HSPH1: variants seen among roughly 807,000 people sequenced by gnomAD.
HSPH1 encodes the protein heat shock protein family H (Hsp110) member 1.
Under a neutral mutation model 100.0 loss-of-function variants are expected in HSPH1, and 40 were observed. The observed-to-expected ratio is 0.40, with a 90% CI of 0.31 to 0.52. HSPH1 has a LOEUF of 0.52. Among genes scored for constraint, HSPH1 ranks in the 20% least tolerant of loss-of-function variants. HSPH1 has a pLI of 0.54. For missense variants in HSPH1, 876 were observed against 1,015.1 expected, an observed-to-expected ratio of 0.86 and a Z score of 1.86; for synonymous variants, 403 against 344.0, an observed-to-expected ratio of 1.17 and a Z score of -1.90.
chr13:31,159,419 CACA>C (rs1956816134), intron 1 of HSPH1, among the ~76,000 whole-genome samples: 1 of 152,100 alleles, frequency 6.6e-6, no homozygotes, highest in Non-Finnish European at 1.5e-5. Context: ...AAAAATGATG[CACA>C]ACAAGTACCA....
intron 1 of HSPH1, among the ~76,000 whole-genome samples, chr13:31,159,576 G>A (rs1030418976): frequency 1.3e-5 from 2 of 152,212 alleles, no homozygotes; most frequent in Non-Finnish European, 2.9e-5. Flanking sequence ...TAACAGAGCA[G>A]AGACTAGCTT....
Position 31,146,733 on chromosome 13 carries a change from C to T in HSPH1, c.1379-965G>A, listed in dbSNP as rs377338065. 2.6e-5 allele frequency among the ~76,000 whole-genome samples: 4 copies of T among 152,224 alleles called. No individual in the cohort carries two copies. In the South Asian group the frequency reaches 8.3e-4, roughly 32 times the overall value. On this transcript the variant is annotated intron_variant, in intron 10 of 17. Transcript: ENST00000320027. ...CTGTGTGACCTGTTACAAAAGTTAC[C>T]TTTCTATACCTCTGAGGATTAAGTA...
At position 31,155,391 on chromosome 13, in the gene HSPH1, G is replaced by A. The variant is rs118088168; in HGVS notation, c.306+123C>T. 7.6e-3 allele frequency: 5,167 copies of A among 678,338 alleles called. 45 individuals are homozygous for A. Among genetic ancestry groups the A allele is most frequent in the Non-Finnish European group, 9.1e-3 (3,762 of 414,798 alleles). The allele number at this position is 678,338 out of a possible 1,614,324, so 42.0% of individuals were successfully genotyped here. A position where few individuals can be genotyped will look rare whatever the true frequency, so the allele number is the denominator to read the frequency against. On this transcript the variant is annotated intron_variant, in intron 3 of 17. Coordinates refer to ENST00000320027, the MANE Select transcript of HSPH1 (RefSeq NM_006644.4). Reference sequence around the variant, plus strand: ...TATCTACTATACTTTAAAAGGAGCTGAATAAAAAAAGAACAAAAAGACCAC... The same window carrying A: ...TATCTACTATACTTTAAAAGGAGCTAAATAAAAAAAGAACAAAAAGACCAC...
At chr13:31,155,076 T>A (rs1041034258) in intron 3 of HSPH1, among the ~76,000 whole-genome samples, 32 of 152,166 alleles carry the variant, frequency 2.1e-4, no homozygotes, top group Non-Finnish European at 3.5e-4. Flanking sequence ...CCACTCTAAC[T>A]GAAGAGATGA....
At chr13:31,142,465 G>A (rs1171347378) in intron 12 of HSPH1, among the ~76,000 whole-genome samples, 1 of 151,956 alleles carries the variant, frequency 6.6e-6, no homozygotes, top group Non-Finnish European at 1.5e-5. Context: ...ATGCTCTGAG[G>A]GCATGAGCCA....
chr13:31,141,325 T>G, intron 12 of HSPH1, 66 bp from the exon 13 acceptor site: 1 of 1,372,654 alleles, frequency 7.3e-7, no homozygotes, highest in Non-Finnish European at 1.0e-6. Context: ...ACAAAAAAAA[T>G]GTCCTCATAC....
At chr13:31,142,447 C>T (rs1407816008) in intron 12 of HSPH1, among the ~76,000 whole-genome samples, 1 of 152,018 alleles carries the variant, frequency 6.6e-6, no homozygotes, top group African/African-American at 2.4e-5. Flanking sequence ...TCCTTCAATA[C>T]ATTATGCATG....
intron 2 of HSPH1, among the ~76,000 whole-genome samples, chr13:31,156,809 A>G (rs1272570465): frequency 6.6e-6 from 1 of 152,174 alleles, no homozygotes; most frequent in African/African-American, 2.4e-5. Context: ...AAAACAAGAA[A>G]TTGAACTGCT....
rs900287706 is a variant in HSPH1, at chr13:31,152,795, G to C, written c.529+57C>G. ...GTATCTATAAGAAAGTAATAGCACT[G>C]AGAACATCTTTAGTTCTGATAGTAT... is the stretch of plus-strand genomic sequence containing the variant. On this transcript the variant is annotated intron_variant, in intron 5 of 17. Coordinates refer to ENST00000320027, the MANE Select transcript of HSPH1 (RefSeq NM_006644.4). 4.3e-6 allele frequency: 5 copies of C among 1,171,778 alleles called. No individual in the cohort carries two copies. In the Admixed American group the frequency reaches 6.8e-5, roughly 16 times the overall value. The allele number at this position is 1,171,778 out of a possible 1,614,324, so 72.6% of individuals were successfully genotyped here. A position where few individuals can be genotyped will look rare whatever the true frequency, so the allele number is the denominator to read the frequency against.
chr13:31,149,041 A>G (rs1956380431), intron 8 of HSPH1, among the ~76,000 whole-genome samples: 1 of 152,154 alleles, frequency 6.6e-6, no homozygotes, highest in African/African-American at 2.4e-5. Context: ...TAGACCAAAA[A>G]AGTCAATTCA....
intron 4 of HSPH1, among the ~76,000 whole-genome samples, chr13:31,153,651 A>T (rs186194887): frequency 6.6e-6 from 1 of 152,322 alleles, no homozygotes; most frequent in Admixed American, 6.5e-5. Context: ...ACATTCGTAG[A>T]ATCATTTAAG....
At chr13:31,161,954 C>G (rs1178003247), upstream of HSPH1, 3 of 1,535,834 alleles carry the variant, frequency 2.0e-6, no homozygotes, top group Non-Finnish European at 2.6e-6. Flanking sequence ...CTGATCAGAA[C>G]TTTCCAGAAT....
chr13:31,139,099 T>C lies in HSPH1; in HGVS notation c.1989A>G (p.Gln663=), dbSNP rs376620526. ...TTTCTGTGAGGAGTCTCAAAAAATT[T>C]TGATGATCCTTAACACAAAATATGA... is the stretch of plus-strand genomic sequence containing the variant. The part of the protein sequence containing the change: ...YEKFICEQDH[Q]NFLRLLTETE... The change falls in exon 15 of 18, where the codon CAA becomes CAG. Residue 663 remains glutamine (Q), a synonymous_variant. Transcript: ENST00000320027. 9 of 1,599,760 alleles carry C rather than the reference T, an allele frequency of 5.6e-6. No homozygotes were observed. The highest frequency in any genetic ancestry group is 4.5e-5 in the East Asian group (2 of 44,800).
In HSPH1 at chr13:31,142,184, A is replaced by C. The variant is rs536689496; in HGVS notation, c.1717-925T>G. ...AAGAGACTGGCCCATGAGGCACAAT[A>C]ATCATAGCCATAGATAATTTTGAGG... On this transcript the variant is annotated intron_variant, in intron 12 of 17. Transcript: ENST00000320027. Among the ~76,000 whole-genome samples the C allele has an allele frequency of 4.2e-4, 64 of 152,238 alleles. 1 individual carries two copies. In the South Asian group the frequency reaches 0.012, roughly 28 times the overall value.
rs1305564720 is a variant in HSPH1, at chr13:31,137,544, G to A, written c.2371-20C>T. On this transcript the variant is annotated intron_variant, in intron 17 of 17. Coordinates refer to ENST00000320027, the MANE Select transcript of HSPH1 (RefSeq NM_006644.4). ...CAATTCCTAAAGAAAACAAAAACTA[G>A]TTATCAGATTAACTCAGATCCATCC... 1.3e-6 allele frequency: 2 copies of A among 1,580,234 alleles called. No individual in the cohort carries two copies. The highest frequency in any genetic ancestry group is 2.2e-5 in the East Asian group (1 of 44,652).
intron 8 of HSPH1, among the ~76,000 whole-genome samples, chr13:31,149,666 C>A (rs1431488552): frequency 6.6e-6 from 1 of 152,196 alleles, no homozygotes; most frequent in Admixed American, 6.5e-5. Flanking sequence ...ACAACTGCCA[C>A]TACTACACAG....
Position 31,159,852 on chromosome 13 carries a change from G to A in HSPH1, c.108-989C>T, listed in dbSNP as rs189415535. Among the ~76,000 whole-genome samples, 285 of 152,236 alleles carry A rather than the reference G, an allele frequency of 1.9e-3. 2 individuals are homozygous for A. The highest frequency in any genetic ancestry group is 0.015 in the Admixed American group (235 of 15,294). On this transcript the variant is annotated intron_variant, in intron 1 of 17. Coordinates refer to ENST00000320027, the MANE Select transcript of HSPH1 (RefSeq NM_006644.4). ...AAATAAAATAGCATCCTAAAAGCCA[G>A]AGAAGTGTCCAAGCAGAAGCTAGAC...
At chr13:31,155,798 G>GA (rs1244544651) in intron 2 of HSPH1, 144 bp from the exon 3 acceptor site, 3 of 525,628 alleles carry the variant, frequency 5.7e-6, no homozygotes, top group Non-Finnish European at 9.9e-6. Context: ...CAATTTCACT[G>GA]AATTTCCCAT....
At chr13:31,160,753 C>A (rs908104959) in intron 1 of HSPH1, among the ~76,000 whole-genome samples, 4 of 152,010 alleles carry the variant, frequency 2.6e-5, no homozygotes, top group African/African-American at 9.7e-5. Context: ...TTTAAAAATA[C>A]GGTTTACAAT....
Sources: gnomAD v4.1 joint callset for allele counts (sites outside exome capture counted in the v4.1 genomes callset) on GRCh38, gnomAD v4.1.1 for gene constraint, MANE v1.5 for transcripts, NCBI Gene and HGNC (gene_info 2026-07-23, HGNC 2026-07-21) for gene names.